Variants in PTPRA observed in about 807,000 individuals in gnomAD.
PTPRA encodes receptor-type tyrosine-protein phosphatase alpha.
A neutral mutation model predicts 104.8 loss-of-function variants in PTPRA; 25 were observed. The ratio of observed to expected loss-of-function variants is 0.24; its 90% confidence interval spans 0.17 to 0.33. PTPRA has a LOEUF of 0.33. Ranked by LOEUF, PTPRA falls within the 10% of genes least tolerant of loss-of-function variation. The probability of loss-of-function intolerance (pLI) is 1.00; values close to 1 mark genes in which losing one functional copy is unlikely to be tolerated. For synonymous variants in PTPRA, 323 were observed against 368.9 expected, an observed-to-expected ratio of 0.88 and a Z score of 1.43; for missense variants, 765 against 1,015.3, an observed-to-expected ratio of 0.75 and a Z score of 3.35.
chr20:2,895,743 T>C (rs2147037019), intron 1 of PTPRA, among the ~76,000 whole-genome samples: 1 of 152,180 alleles, frequency 6.6e-6, no homozygotes, highest in East Asian at 1.9e-4. Flanking sequence ...TTGGCCAGGC[T>C]GTTCTCGAAC....
intron 3 of PTPRA, among the ~76,000 whole-genome samples, chr20:2,955,077 T>A (rs886792495): frequency 2.0e-5 from 3 of 152,240 alleles, no homozygotes; most frequent in Admixed American, 1.3e-4. Context: ...ATATGGTAGC[T>A]ATATAGTAAG....
At chr20:2,961,456 G>A (rs2061752574) in intron 3 of PTPRA, among the ~76,000 whole-genome samples, 1 of 152,146 alleles carries the variant, frequency 6.6e-6, no homozygotes, top group African/African-American at 2.4e-5. Flanking sequence ...GTCTCTTCAG[G>A]TCTTTTGCCC....
chr20:3,037,150 G>T lies in PTPRA; in HGVS notation c.2199-4G>T. 1 of 1,613,692 alleles carries T rather than the reference G, an allele frequency of 6.2e-7. No homozygotes were observed. Among genetic ancestry groups the T allele is most frequent in the East Asian group, 2.2e-5 (1 of 44,866 alleles). Reference sequence around the variant, plus strand: ...GTGTGGTAAATGTGTCTGCTCTGTTGCAGCGCCGGGGCAGGAAGGACGGGG... The same window carrying T: ...GTGTGGTAAATGTGTCTGCTCTGTTTCAGCGCCGGGGCAGGAAGGACGGGG... On this transcript the variant is annotated splice_polypyrimidine_tract_variant and splice_region_variant and intron_variant, in intron 22 of 23. Transcript: ENST00000399903. This position sits in a 1 kb window ranked among gnomAD's most constrained non-coding sequence, Gnocchi z 4.3.
chr20:2,922,999 C>T (rs1568654922), intron 1 of PTPRA, among the ~76,000 whole-genome samples: 1 of 152,114 alleles, frequency 6.6e-6, no homozygotes, highest in Non-Finnish European at 1.5e-5. Flanking sequence ...AATCTCAGCT[C>T]ACTGGAAACT....
chr20:3,036,727 C>T (rs1023942715), intron 22 of PTPRA, among the ~76,000 whole-genome samples: 15 of 152,156 alleles, frequency 9.9e-5, no homozygotes, highest in African/African-American at 3.6e-4. Flanking sequence ...GTCTGGATTC[C>T]GTGGATTTGG....
At chr20:2,945,862 G>A (rs1211621514) in intron 2 of PTPRA, among the ~76,000 whole-genome samples, 1 of 151,920 alleles carries the variant, frequency 6.6e-6, no homozygotes, top group Non-Finnish European at 1.5e-5. Flanking sequence ...CCGGGAGGTA[G>A]AGGTTGCAGT....
At chr20:2,929,150 A>G (rs936422815) in intron 2 of PTPRA, among the ~76,000 whole-genome samples, 21 of 151,516 alleles carry the variant, frequency 1.4e-4, no homozygotes, top group African/African-American at 5.1e-4. Flanking sequence ...ACAGGGTTTC[A>G]CCATGTTGCC....
intron 9 of PTPRA, among the ~76,000 whole-genome samples, chr20:3,002,072 C>T (rs1006910148): frequency 1.3e-5 from 2 of 152,028 alleles, no homozygotes; most frequent in African/African-American, 4.8e-5. Context: ...CCCAGGAGTT[C>T]AAGGCTGCAA....
chr20:2,985,949 G>A (rs1001392897), intron 6 of PTPRA, among the ~76,000 whole-genome samples: 2 of 151,802 alleles, frequency 1.3e-5, no homozygotes, highest in African/African-American at 2.4e-5. Flanking sequence ...TTGCTCTGTT[G>A]CCCAGGGTGG....
At chr20:2,994,210 G>A (rs2063306741) in intron 9 of PTPRA, among the ~76,000 whole-genome samples, 2 of 152,168 alleles carry the variant, frequency 1.3e-5, no homozygotes, top group Non-Finnish European at 1.5e-5. Context: ...TAATATATGT[G>A]TGTTAATGCG....
rs1215368287 is a variant in PTPRA, at chr20:2,950,948, C to T, written c.-7+2924C>T. ...AGTTTTCTTGTGTCTTTTATAATCACTGCCTCTTGCCCCTGCCCACTCCCT... is the reference window on the plus strand; with the variant it reads ...AGTTTTCTTGTGTCTTTTATAATCATTGCCTCTTGCCCCTGCCCACTCCCT... On this transcript the variant is annotated intron_variant, in intron 3 of 23. Transcript: ENST00000399903. This position sits in a 1 kb window ranked among gnomAD's most constrained non-coding sequence, Gnocchi z 4.0. Among the ~76,000 whole-genome samples, 1 of 152,130 alleles carries T rather than the reference C, an allele frequency of 6.6e-6. No individual in the cohort carries two copies. The highest frequency in any genetic ancestry group is 1.5e-5 in the Non-Finnish European group (1 of 68,012).
In PTPRA at chr20:3,022,913, T is replaced by C; in HGVS notation, c.1464+89T>C. ...AGGATTCACTCAGTCTCACAGGTTA[T>C]TGTAAATGATTACTATAGAGTGTGA... On this transcript the variant is annotated intron_variant, in intron 16 of 23. Transcript: ENST00000399903. This position sits in a 1 kb window ranked among gnomAD's most constrained non-coding sequence, Gnocchi z 4.6. 1.3e-6 allele frequency: 2 copies of C among 1,558,448 alleles called. No homozygotes were observed. Among genetic ancestry groups the C allele is most frequent in the Non-Finnish European group, 1.7e-6 (2 of 1,147,298 alleles).
At chr20:3,023,147 T>G (rs1337121295) in intron 16 of PTPRA, among the ~76,000 whole-genome samples, 1 of 152,218 alleles carries the variant, frequency 6.6e-6, no homozygotes, top group Non-Finnish European at 1.5e-5. Flanking sequence ...CAGGATGTGC[T>G]TTGTTAAAAA....
intron 1 of PTPRA, among the ~76,000 whole-genome samples, chr20:2,912,828 T>C (rs2059773215): frequency 1.3e-5 from 2 of 152,206 alleles, no homozygotes; most frequent in South Asian, 4.1e-4. Flanking sequence ...AGATACACTT[T>C]CATTAGAAAA....
chr20:2,898,228 C>T (rs1351513576), intron 1 of PTPRA, among the ~76,000 whole-genome samples: 2 of 151,998 alleles, frequency 1.3e-5, no homozygotes, highest in African/African-American at 4.8e-5. Context: ...TCCAGGCATG[C>T]GCCACCATGC....
At chr20:2,869,653 TG>T (rs1670019195), upstream of PTPRA, among the ~76,000 whole-genome samples, 1 of 152,234 alleles carries the variant, frequency 6.6e-6, no homozygotes, top group Admixed American at 6.5e-5. Flanking sequence ...CTTGTATCAG[TG>T]GTAGCCAGTG....
Position 3,024,301 on chromosome 20 carries a change from C to A in PTPRA, c.1465-171C>A, listed in dbSNP as rs149799749. Among the ~76,000 whole-genome samples the A allele has an allele frequency of 2.0e-5, 3 of 152,250 alleles. No individual in the cohort carries two copies. The East Asian group carries it at 5.8e-4, about 29-fold the overall frequency. ...CAAGTAAAGCACCCCCACAGGGACT[C>A]CTGCATTTCAAGTCCCACTTCACTA... On this transcript the variant is annotated intron_variant, in intron 16 of 23. Transcript: ENST00000399903.
Position 2,950,884 on chromosome 20 carries a change from TCAC to T in PTPRA, c.-7+2864_-7+2866del, listed in dbSNP as rs909981316. ...GATCCATGTATATAGCAGGGAAATA[TCAC>T]CACAACAAGAGTGTGAACATATAAT... On this transcript the variant is annotated intron_variant, in intron 3 of 23. Coordinates refer to ENST00000399903, the MANE Select transcript of PTPRA (RefSeq NM_001385305.1). This position sits in a 1 kb window ranked among gnomAD's most constrained non-coding sequence, Gnocchi z 4.0. 6.6e-6 allele frequency among the ~76,000 whole-genome samples: 1 copy of T among 152,156 alleles called. No individual in the cohort carries two copies. Among genetic ancestry groups the T allele is most frequent in the African/African-American group, 2.4e-5 (1 of 41,442 alleles).
At chr20:2,871,024 C>T (rs1337212339), upstream of PTPRA, among the ~76,000 whole-genome samples, 1 of 152,162 alleles carries the variant, frequency 6.6e-6, no homozygotes, top group Non-Finnish European at 1.5e-5. Flanking sequence ...CAGGTCTCTA[C>T]AGGCAGGCAG....
Sources: gnomAD v4.1 joint callset for allele counts (sites outside exome capture counted in the v4.1 genomes callset) on GRCh38, gnomAD v4.1.1 for gene constraint, Gnocchi (gnomAD v3.1) non-coding constraint, MANE v1.5 for transcripts, NCBI Gene and HGNC (gene_info 2026-07-23, HGNC 2026-07-21) for gene names.